Variants in CEP83 observed in about 807,000 individuals in gnomAD.
The protein encoded by CEP83 is centrosomal protein 83, also known as centrosomal protein of 83 kDa.
In CEP83, 70 loss-of-function variants were observed where a neutral mutation model predicts 101.9. That is an observed-to-expected ratio of 0.69 (90% CI 0.57 to 0.84). The LOEUF (loss-of-function observed/expected upper bound fraction) is 0.84. Ranked by LOEUF, CEP83 falls within the 40% of genes least tolerant of loss-of-function variation. The probability of loss-of-function intolerance (pLI) is 0.00; values close to 1 mark genes in which losing one functional copy is unlikely to be tolerated. For missense variants in CEP83, 715 were observed against 787.2 expected, an observed-to-expected ratio of 0.91 and a Z score of 1.10; for synonymous variants, 264 against 267.9, an observed-to-expected ratio of 0.99 and a Z score of 0.14.
intron 6 of CEP83, among the ~76,000 whole-genome samples, chr12:94,392,649 T>C (rs981801540): frequency 4.6e-5 from 7 of 151,918 alleles, no homozygotes; most frequent in South Asian, 4.2e-4. Context: ...CAGAGCAGAA[T>C]TGAAAGAGAT....
chr12:94,270,594 A>AC, the CEP83 span, among the ~76,000 whole-genome samples: 100 of 125,096 alleles, frequency 8.0e-4, no homozygotes, highest in East Asian at 0.018. Context: ...ACCCACCCCC[A>AC]CCCCCAACCC....
At chr12:94,427,398 A>G (rs2065283994) in intron 2 of CEP83, among the ~76,000 whole-genome samples, 1 of 152,248 alleles carries the variant, frequency 6.6e-6, no homozygotes, top group Non-Finnish European at 1.5e-5. Flanking sequence ...AGTTTTTAAA[A>G]GACTAGTACA....
intron 11 of CEP83, among the ~76,000 whole-genome samples, chr12:94,336,517 A>G (rs1034495881): frequency 3.3e-5 from 5 of 152,246 alleles, no homozygotes; most frequent in Non-Finnish European, 5.9e-5. Context: ...CTTTAAACAC[A>G]ATAAGGACTC....
chr12:94,372,652 T>C (rs1367298977), intron 8 of CEP83, among the ~76,000 whole-genome samples: 1 of 152,188 alleles, frequency 6.6e-6, no homozygotes, highest in East Asian at 1.9e-4. Flanking sequence ...AAAAACTTAT[T>C]TCTTATTCAT....
chr12:94,268,633 A>G, the CEP83 span, among the ~76,000 whole-genome samples: 1 of 123,280 alleles, frequency 8.1e-6, no homozygotes, highest in Non-Finnish European at 1.6e-5. Context: ...ATACCACTCT[A>G]GTGCAGGCTG....
intron 11 of CEP83, among the ~76,000 whole-genome samples, chr12:94,336,498 A>AG (rs1407687439): frequency 6.6e-6 from 1 of 152,224 alleles, no homozygotes; most frequent in African/African-American, 2.4e-5. Context: ...TCAAGACCCT[A>AG]GGTCTGTGCT....
At chr12:94,424,854 T>C (rs1459871611) in intron 2 of CEP83, 10 of 1,601,610 alleles carry the variant, frequency 6.2e-6, no homozygotes, top group Admixed American at 5.0e-5. Flanking sequence ...TTAGGTGTAC[T>C]GTTGCTTGGG....
At chr12:94,362,304 T>C (rs184383553) in intron 11 of CEP83, among the ~76,000 whole-genome samples, 17 of 151,808 alleles carry the variant, frequency 1.1e-4, no homozygotes, top group African/African-American at 2.2e-4. Context: ...TTAAGAAAAA[T>C]AGTATGGAAG....
chr12:94,402,440 G>A (rs1360016077), intron 5 of CEP83: 1 of 152,246 alleles, frequency 6.6e-6, no homozygotes, highest in Non-Finnish European at 1.5e-5. Context: ...GCAAGGTAAG[G>A]GGGTCTAAAG....
chr12:94,358,698 G>A (rs146232578), intron 11 of CEP83, among the ~76,000 whole-genome samples: 14,283 of 152,210 alleles, frequency 0.094, 792 homozygotes, highest in Admixed American at 0.15. Flanking sequence ...GAGCATTACA[G>A]CCAGGATTGC....
At chr12:94,315,852 T>A (rs1454967146) in intron 14 of CEP83, among the ~76,000 whole-genome samples, 2 of 152,170 alleles carry the variant, frequency 1.3e-5, no homozygotes, top group Non-Finnish European at 2.9e-5. Flanking sequence ...CTGGACTCTA[T>A]ACTGTTCCAT....
At chr12:94,424,784 C>T (rs575453670) in intron 2 of CEP83, 3 of 1,610,868 alleles carry the variant, frequency 1.9e-6, no homozygotes, top group South Asian at 2.2e-5. Flanking sequence ...TGGTTGCAAT[C>T]CTCGGATGTA....
intron 14 of CEP83, among the ~76,000 whole-genome samples, chr12:94,327,219 A>G (rs1274019709): frequency 6.6e-6 from 1 of 152,232 alleles, no homozygotes; most frequent in Non-Finnish European, 1.5e-5. Flanking sequence ...AGAACAATTA[A>G]AACAATATAG....
At chr12:94,316,873 G>A (rs915434943) in intron 14 of CEP83, among the ~76,000 whole-genome samples, 2 of 152,064 alleles carry the variant, frequency 1.3e-5, no homozygotes, top group African/African-American at 4.8e-5. Context: ...TGTGAATAGT[G>A]TTGCAATGAA....
At chr12:94,425,415 AT>A in intron 2 of CEP83, among the ~76,000 whole-genome samples, 1 of 152,186 alleles carries the variant, frequency 6.6e-6, no homozygotes, top group African/African-American at 2.4e-5. Flanking sequence ...GCAAGATCCA[AT>A]CAGATCATGC....
chr12:94,419,358 T>TA (rs2064539455), intron 2 of CEP83, among the ~76,000 whole-genome samples: 1 of 151,914 alleles, frequency 6.6e-6, no homozygotes, highest in African/African-American at 2.4e-5. Context: ...TGAAACAAAC[T>TA]AAAAAAGACC....
chr12:94,326,644 G>C (rs1278359502), intron 14 of CEP83, among the ~76,000 whole-genome samples: 1 of 152,144 alleles, frequency 6.6e-6, no homozygotes, highest in Admixed American at 6.5e-5. Context: ...GATTGGATTC[G>C]AGTGGGCCCT....
At chr12:94,315,022 C>A (rs949411480) in intron 14 of CEP83, among the ~76,000 whole-genome samples, 2 of 152,148 alleles carry the variant, frequency 1.3e-5, no homozygotes, top group Non-Finnish European at 2.9e-5. Context: ...AATTTAAATT[C>A]TTTCCAGTCT....
chr12:94,447,113 A>G (rs1051359470), intron 1 of CEP83, among the ~76,000 whole-genome samples: 1 of 152,240 alleles, frequency 6.6e-6, no homozygotes, highest in African/African-American at 2.4e-5. Context: ...TGAAATAAAG[A>G]CATTTTCAGA....
Sources: allele counts gnomAD v4.1 joint callset (sites outside exome capture counted in the v4.1 genomes callset), GRCh38; gene constraint gnomAD v4.1.1; transcripts MANE v1.5; gene names NCBI Gene and HGNC (gene_info 2026-07-23, HGNC 2026-07-21).